Variants in TMEM150C observed in about 807,000 individuals in gnomAD.
The protein encoded by TMEM150C is transmembrane protein 150C.
TMEM150C carries 10 observed loss-of-function variants against 29.9 expected under a neutral mutation model. That is an observed-to-expected ratio of 0.33 (90% CI 0.21 to 0.57). The LOEUF (loss-of-function observed/expected upper bound fraction) is 0.57. TMEM150C is among the 20% of genes least tolerant of loss of function. The pLI is 0.88. For missense variants in TMEM150C, 251 were observed against 303.6 expected, an observed-to-expected ratio of 0.83 and a Z score of 1.29; for synonymous variants, 101 against 112.5, an observed-to-expected ratio of 0.90 and a Z score of 0.64.
rs115885405 is a variant in TMEM150C, at chr4:82,546,050, A to G, written c.-11+15856T>C. On this transcript the variant is annotated intron_variant, in intron 1 of 7. Transcript: ENST00000449862. ...AACCAAGGAGGTAAACGATCTCTAT[A>G]AGGAGAACTACAAAATACTGCTGAA... 7.5e-3 allele frequency among the ~76,000 whole-genome samples: 1,146 copies of G among 152,342 alleles called. 22 individuals carry two copies. Among genetic ancestry groups the G allele is most frequent in the African/African-American group, 0.026 (1,085 of 41,574 alleles).
intron 1 of TMEM150C, among the ~76,000 whole-genome samples, chr4:82,507,102 G>T (rs537211782): frequency 6.6e-6 from 1 of 152,288 alleles, no homozygotes; most frequent in African/African-American, 2.4e-5. Context: ...AAGGGAGAAG[G>T]ATGTCAAGGA....
At chr4:82,495,524 C>A in intron 6 of TMEM150C, 1 of 363,962 alleles carries the variant, frequency 2.7e-6, no homozygotes, top group South Asian at 2.4e-5. Flanking sequence ...CCAGGTATAG[C>A]CTTCTCTCTT....
chr4:82,532,044 G>A (rs1724863694), intron 1 of TMEM150C, among the ~76,000 whole-genome samples: 1 of 152,128 alleles, frequency 6.6e-6, no homozygotes, highest in Non-Finnish European at 1.5e-5. Context: ...ACAAACAGAT[G>A]GAGCAATAGT....
At position 82,484,539 on chromosome 4, in the gene TMEM150C, T is replaced by C. The variant is rs529113948; in HGVS notation, c.*972A>G. 1 of 152,320 alleles carries C rather than the reference T, an allele frequency of 6.6e-6. No individual in the cohort carries two copies. Among genetic ancestry groups the C allele is most frequent in the African/African-American group, 2.4e-5 (1 of 41,576 alleles). The allele number at this position is 152,320 out of a possible 1,614,324, so 9.4% of individuals were successfully genotyped here. The stretch of plus-strand genomic sequence containing the variant: ...ATAAATGTCCAGCAGCAGCTCTTTT[T>C]ATTACCTCTGCACATCCATATTTCT... On this transcript the variant is annotated 3_prime_UTR_variant, in exon 8 of 8. Transcript: ENST00000449862.
chr4:82,520,173 T>C (rs1724437856), intron 1 of TMEM150C, among the ~76,000 whole-genome samples: 1 of 152,226 alleles, frequency 6.6e-6, no homozygotes, highest in African/African-American at 2.4e-5. Flanking sequence ...CAATTCATAA[T>C]TGGAAAGTAA....
chr4:82,526,978 A>G (rs1039725161), intron 1 of TMEM150C, among the ~76,000 whole-genome samples: 1 of 149,890 alleles, frequency 6.7e-6, no homozygotes, highest in African/African-American at 2.5e-5. Flanking sequence ...CTGTCAGCCA[A>G]TCTAGGAAAG....
At chr4:82,495,012 A>G (rs1477966403) in intron 6 of TMEM150C, 11 of 946,792 alleles carry the variant, frequency 1.2e-5, no homozygotes, top group Non-Finnish European at 1.8e-5. Context: ...CTTCAGAGCA[A>G]TAGGCTGCTG....
intron 1 of TMEM150C, among the ~76,000 whole-genome samples, chr4:82,543,953 A>T (rs1034685006): frequency 6.6e-6 from 1 of 152,186 alleles, no homozygotes; most frequent in Non-Finnish European, 1.5e-5. Flanking sequence ...GATACATAAG[A>T]AAATTTCCCC....
chr4:82,556,634 G>A (rs1187372168), intron 1 of TMEM150C, among the ~76,000 whole-genome samples: 1 of 152,130 alleles, frequency 6.6e-6, no homozygotes, highest in African/African-American at 2.4e-5. Flanking sequence ...AGCATTCTGG[G>A]TGACAGAGTG....
chr4:82,491,093 C>T (rs1723328901), intron 6 of TMEM150C: 1 of 705,996 alleles, frequency 1.4e-6, no homozygotes, highest in Admixed American at 1.9e-5. Context: ...AAGAGACCCC[C>T]ATTTTACGAC....
chr4:82,514,010 C>A (rs559672222), intron 1 of TMEM150C, among the ~76,000 whole-genome samples: 10 of 152,360 alleles, frequency 6.6e-5, no homozygotes, highest in African/African-American at 2.4e-4. Context: ...CAAATTTGCA[C>A]CAGCAGGCAG....
chr4:82,503,026 A>G, intron 3 of TMEM150C, 33 bp downstream of exon 3: 1 of 1,609,698 alleles, frequency 6.2e-7, no homozygotes. Context: ...AAATCTCTTG[A>G]TGAACAACGA....
chr4:82,497,482 G>A (rs926516259), intron 5 of TMEM150C, among the ~76,000 whole-genome samples: 3 of 152,160 alleles, frequency 2.0e-5, no homozygotes, highest in Non-Finnish European at 4.4e-5. Context: ...AAATTTCATA[G>A]TGTAACCCTA....
chr4:82,558,440 A>G (rs1445755906), intron 1 of TMEM150C, among the ~76,000 whole-genome samples: 1 of 152,204 alleles, frequency 6.6e-6, no homozygotes, highest in Non-Finnish European at 1.5e-5. Flanking sequence ...ACTTAGTAAA[A>G]GAGCTTCAAG....
At chr4:82,503,173 C>T in intron 2 of TMEM150C, 61 bp from the exon 3 acceptor site, 2 of 1,283,878 alleles carry the variant, frequency 1.6e-6, no homozygotes, top group Non-Finnish European at 2.2e-6. Context: ...ATTTGTTTCC[C>T]AGTTTTATTA....
At chr4:82,491,241 A>G in intron 6 of TMEM150C, 1 of 679,284 alleles carries the variant, frequency 1.5e-6, no homozygotes. Context: ...CTTAGTGGGG[A>G]CGTCCTCTTT....
chr4:82,545,403 A>G (rs1483143650), intron 1 of TMEM150C, among the ~76,000 whole-genome samples: 2 of 152,182 alleles, frequency 1.3e-5, no homozygotes, highest in Non-Finnish European at 2.9e-5. Context: ...TCAAAATAAT[A>G]AGAGCCATCT....
At chr4:82,545,540 C>T (rs919062587) in intron 1 of TMEM150C, among the ~76,000 whole-genome samples, 7 of 152,084 alleles carry the variant, frequency 4.6e-5, no homozygotes, top group Non-Finnish European at 8.8e-5. Flanking sequence ...GAAATCCTTG[C>T]CACAGTAATC....
At chr4:82,491,656 C>T (rs569946749) in intron 6 of TMEM150C, 20 of 521,800 alleles carry the variant, frequency 3.8e-5, no homozygotes, top group Non-Finnish European at 6.1e-5. Context: ...AGGAGGAGAG[C>T]GCTAATTTTT....
Sources: gnomAD v4.1 joint callset for allele counts (sites outside exome capture counted in the v4.1 genomes callset) on GRCh38, gnomAD v4.1.1 for gene constraint, MANE v1.5 for transcripts, NCBI Gene and HGNC (gene_info 2026-07-23, HGNC 2026-07-21) for gene names.